The following IL1RAPL2 variants were observed in gnomAD, a reference collection of about 807,000 sequenced individuals.
The protein encoded by IL1RAPL2 is interleukin 1 receptor accessory protein like 2.
In IL1RAPL2, 3 loss-of-function variants were observed where a neutral mutation model predicts 44.1. That is an observed-to-expected ratio of 0.07 (90% confidence interval 0.03 to 0.18). IL1RAPL2 has a LOEUF of 0.18. IL1RAPL2 is among the 10% of genes least tolerant of loss of function. IL1RAPL2 has a pLI of 1.00. For synonymous variants in IL1RAPL2, 181 were observed against 178.8 expected (o/e 1.01, Z -0.10); for missense variants, 391 against 496.4 (o/e 0.79, Z 2.02).
chrX:105,081,163 A>T (rs908263654), intron 2 of IL1RAPL2, among the ~76,000 whole-genome samples: 2 of 111,242 alleles, frequency 1.8e-5, no homozygotes, highest in African/African-American at 6.5e-5. Flanking sequence ...TCATCTGCAA[A>T]CAGAGACAAT....
At chrX:104,708,566 A>G (rs1931400429) in intron 2 of IL1RAPL2, among the ~76,000 whole-genome samples, 1 of 111,249 alleles carries the variant, frequency 9.0e-6, no homozygotes, top group South Asian at 3.7e-4. Context: ...CTGATTTTTA[A>G]TTAGAGCAGG....
intron 2 of IL1RAPL2, among the ~76,000 whole-genome samples, chrX:104,765,798 C>T (rs773057464): frequency 4.3e-4 from 48 of 111,797 alleles, no homozygotes; most frequent in African/African-American, 1.5e-3. Context: ...ATTGAAAGTA[C>T]CTGCATCAGT....
At chrX:104,836,983 A>C (rs955389433) in intron 2 of IL1RAPL2, among the ~76,000 whole-genome samples, 23 of 111,215 alleles carry the variant, frequency 2.1e-4, no homozygotes, top group Admixed American at 2.9e-4. Flanking sequence ...GAGTGAGAAC[A>C]TGCGGTGTTT....
At chrX:104,675,639 A>T (rs1378357414) in intron 2 of IL1RAPL2, among the ~76,000 whole-genome samples, 1 of 110,722 alleles carries the variant, frequency 9.0e-6, no homozygotes, top group African/African-American at 3.3e-5. Flanking sequence ...GCTGAGTTCA[A>T]TTCCTGGGTA....
intron 2 of IL1RAPL2, among the ~76,000 whole-genome samples, chrX:104,776,507 G>A (rs1016563506): frequency 1.6e-4 from 18 of 111,628 alleles, no homozygotes; most frequent in Non-Finnish European, 1.9e-5. Flanking sequence ...CTGTAATGCT[G>A]CTTGCCATGG....
intron 6 of IL1RAPL2, among the ~76,000 whole-genome samples, chrX:105,670,118 T>TAG: frequency 2.6e-5 from 1 of 38,215 alleles, no homozygotes; most frequent in Admixed American, 2.3e-4. Context: ...TATATATATA[T>TAG]ATATATATAT....
At chrX:105,450,920 G>GTGTA (rs1462805398) in intron 5 of IL1RAPL2, among the ~76,000 whole-genome samples, 17 of 109,636 alleles carry the variant, frequency 1.6e-4, no homozygotes, top group African/African-American at 5.7e-4. Context: ...GTGTGTGTGT[G>GTGTA]TGTGTGTGTG....
intron 5 of IL1RAPL2, among the ~76,000 whole-genome samples, chrX:105,363,441 A>G (rs1007483808): frequency 4.8e-5 from 5 of 104,264 alleles, no homozygotes; most frequent in African/African-American, 1.7e-4. Context: ...ACTGATTACA[A>G]TTTTTTTTGG....
At chrX:105,682,135 A>AAAAT (rs1355381284) in intron 6 of IL1RAPL2, among the ~76,000 whole-genome samples, 1 of 112,239 alleles carries the variant, frequency 8.9e-6, no homozygotes, top group Admixed American at 9.5e-5. Context: ...AGTTTTAGAC[A>AAAAT]AAATAATTAT....
chrX:104,622,670 G>A (rs1929422636), intron 1 of IL1RAPL2, among the ~76,000 whole-genome samples: 1 of 110,844 alleles, frequency 9.0e-6, no homozygotes, highest in Non-Finnish European at 1.9e-5. Context: ...CTTTTCGTCT[G>A]TGGCTGTGAT....
At chrX:104,700,567 T>C (rs1329013320) in intron 2 of IL1RAPL2, among the ~76,000 whole-genome samples, 1 of 112,168 alleles carries the variant, frequency 8.9e-6, no homozygotes, top group Non-Finnish European at 1.9e-5. Context: ...TTCACATTAT[T>C]ACCCTGTTCA....
chrX:105,035,445 T>C (rs191455960), intron 2 of IL1RAPL2, among the ~76,000 whole-genome samples: 2 of 112,245 alleles, frequency 1.8e-5, no homozygotes, highest in Non-Finnish European at 3.8e-5. Context: ...CTGTGACACA[T>C]CTAATTATTC....
At chrX:105,052,012 C>CAA (rs995611347) in intron 2 of IL1RAPL2, among the ~76,000 whole-genome samples, 1 of 111,017 alleles carries the variant, frequency 9.0e-6, no homozygotes, top group Non-Finnish European at 1.9e-5. Context: ...AATAAAGGGA[C>CAA]AAAAAAAAGG....
intron 1 of IL1RAPL2, among the ~76,000 whole-genome samples, chrX:104,615,068 T>C (rs1288245062): frequency 9.0e-6 from 1 of 111,560 alleles, no homozygotes; most frequent in Admixed American, 9.5e-5. Context: ...TGTGGTTGCT[T>C]TATAGGGTCT....
chrX:105,690,110 C>G (rs1433163011), intron 6 of IL1RAPL2, among the ~76,000 whole-genome samples: 2 of 110,604 alleles, frequency 1.8e-5, no homozygotes, highest in African/African-American at 6.6e-5. Flanking sequence ...GGAGAAATAC[C>G]TAATGCAAAT....
intron 2 of IL1RAPL2, among the ~76,000 whole-genome samples, chrX:104,852,335 T>C (rs1006201657): frequency 2.7e-5 from 3 of 112,073 alleles, no homozygotes; most frequent in African/African-American, 9.7e-5. Flanking sequence ...ATAACAAAGG[T>C]GGCACCAGTC....
At chrX:104,730,719 G>C (rs1270151256) in intron 2 of IL1RAPL2, among the ~76,000 whole-genome samples, 28 of 107,066 alleles carry the variant, frequency 2.6e-4, no homozygotes, top group African/African-American at 7.8e-4. Flanking sequence ...ATGATTTATA[G>C]TCCTTTGGGT....
chrX:105,611,606 T>C (rs1454031995), intron 6 of IL1RAPL2, among the ~76,000 whole-genome samples: 1 of 112,200 alleles, frequency 8.9e-6, no homozygotes, highest in Non-Finnish European at 1.9e-5. Context: ...TTAGGAGCAA[T>C]AGGCTGTACA....
At chrX:104,890,947 C>A (rs974266046) in intron 2 of IL1RAPL2, among the ~76,000 whole-genome samples, 1 of 111,899 alleles carries the variant, frequency 8.9e-6, no homozygotes, top group African/African-American at 3.3e-5. Flanking sequence ...ACATTTAATT[C>A]TTTACTCCCT....
Sources: allele counts gnomAD v4.1 joint callset (sites outside exome capture counted in the v4.1 genomes callset), GRCh38; gene constraint gnomAD v4.1.1; transcripts MANE v1.5; gene names NCBI Gene and HGNC (gene_info 2026-07-23, HGNC 2026-07-21).